SV2C: variants seen among roughly 807,000 people sequenced by gnomAD.
The protein encoded by SV2C is solute carrier family 22 member B3.
Under a neutral mutation model 79.7 loss-of-function variants are expected in SV2C, and 49 were observed. The observed-to-expected ratio is 0.61, with a 90% confidence interval of 0.49 to 0.78. The LOEUF is 0.78. Ranked by LOEUF, SV2C falls within the 30% of genes least tolerant of loss-of-function variation. The pLI, the probability that SV2C is intolerant of heterozygous loss-of-function variation, is 0.00. For synonymous variants in SV2C, 334 were observed against 333.2 expected (o/e 1.00, Z -0.03); for missense variants, 833 against 912.9 (o/e 0.91, Z 1.13).
intron 12 of SV2C, among the ~76,000 whole-genome samples, chr5:76,318,179 G>C (rs1003892391): frequency 7.2e-5 from 11 of 152,200 alleles, no homozygotes; most frequent in African/African-American, 2.7e-4. Context: ...CAGCACTTTG[G>C]GAGGCCGAGG....
intron 12 of SV2C, among the ~76,000 whole-genome samples, chr5:76,340,088 T>C (rs747852633): frequency 9.2e-5 from 14 of 152,172 alleles, no homozygotes; most frequent in Non-Finnish European, 1.9e-4. Flanking sequence ...CTAATCATAA[T>C]TCATTAGCAT....
chr5:76,268,442 T>C (rs1746734864), intron 4 of SV2C, among the ~76,000 whole-genome samples: 1 of 152,166 alleles, frequency 6.6e-6, no homozygotes, highest in Non-Finnish European at 1.5e-5. Context: ...CTGCAGGTCT[T>C]GTGGAACCCA....
chr5:76,023,624 C>G, the SV2C span, among the ~76,000 whole-genome samples: 1 of 148,000 alleles, frequency 6.8e-6, no homozygotes, highest in Non-Finnish European at 1.5e-5. Flanking sequence ...CATACTTTTC[C>G]TCCATCCCTA....
intron 1 of SV2C, among the ~76,000 whole-genome samples, chr5:76,130,180 A>AAAAAAAAAAT (rs1748839619): frequency 1.0e-5 from 1 of 99,610 alleles, no homozygotes; most frequent in Non-Finnish European, 2.0e-5. Context: ...AAAAAAAAAA[A>AAAAAAAAAAT]GAGCTGGGGG....
the SV2C span, among the ~76,000 whole-genome samples, chr5:75,903,216 G>A: frequency 1.3e-5 from 2 of 151,962 alleles, no homozygotes; most frequent in Admixed American, 1.3e-4. Context: ...AGAATGTCAG[G>A]GCTCAAAGTA....
chr5:76,315,574 C>G (rs1256401710), intron 12 of SV2C, among the ~76,000 whole-genome samples: 1 of 152,114 alleles, frequency 6.6e-6, no homozygotes, highest in African/African-American at 2.4e-5. Flanking sequence ...AAGGCTAATT[C>G]TGGACAAGGA....
At chr5:76,209,412 T>A (rs528389900) in intron 3 of SV2C, among the ~76,000 whole-genome samples, 1 of 152,312 alleles carries the variant, frequency 6.6e-6, no homozygotes, top group East Asian at 1.9e-4. Context: ...TAAGTTTTGA[T>A]AAATATCACA....
At chr5:76,210,514 A>C (rs1744738152) in intron 4 of SV2C, among the ~76,000 whole-genome samples, 1 of 152,238 alleles carries the variant, frequency 6.6e-6, no homozygotes, top group Admixed American at 6.5e-5. Context: ...GTATGTGGGA[A>C]GAGGTGAGGG....
intron 4 of SV2C, among the ~76,000 whole-genome samples, chr5:76,228,441 C>A (rs892162575): frequency 6.6e-6 from 1 of 152,176 alleles, no homozygotes; most frequent in Non-Finnish European, 1.5e-5. Flanking sequence ...TCACAGGTAG[C>A]GGGGCAAGCT....
chr5:75,902,369 C>A, the SV2C span, among the ~76,000 whole-genome samples: 1 of 152,166 alleles, frequency 6.6e-6, no homozygotes. Context: ...GGCTACTGTG[C>A]CTTCACAGAA....
At chr5:76,223,074 C>A (rs1212320793) in intron 4 of SV2C, among the ~76,000 whole-genome samples, 2 of 152,082 alleles carry the variant, frequency 1.3e-5, no homozygotes, top group African/African-American at 4.8e-5. Context: ...TGCCAGCTAC[C>A]CCTTGTCTGT....
At chr5:75,915,991 G>C in the SV2C span, among the ~76,000 whole-genome samples, 1 of 152,118 alleles carries the variant, frequency 6.6e-6, no homozygotes, top group East Asian at 1.9e-4. Flanking sequence ...AGGTAGTATA[G>C]AGCTAGCTCA....
At chr5:76,291,401 T>G in intron 7 of SV2C, 70 bp downstream of exon 7, 1 of 1,270,272 alleles carries the variant, frequency 7.9e-7, no homozygotes, top group Non-Finnish European at 1.1e-6. Flanking sequence ...AAGAGGGGTT[T>G]ACTGGGCCTG....
intron 1 of SV2C, among the ~76,000 whole-genome samples, chr5:76,098,875 ACAT>A (rs1427698270): frequency 1.3e-5 from 2 of 152,202 alleles, no homozygotes; most frequent in African/African-American, 4.8e-5. Flanking sequence ...TTACGGGCTG[ACAT>A]CAGCAAAACC....
At chr5:76,018,710 A>G in the SV2C span, among the ~76,000 whole-genome samples, 2 of 152,226 alleles carry the variant, frequency 1.3e-5, no homozygotes, top group African/African-American at 4.8e-5. Flanking sequence ...GGAAAAGGCC[A>G]GAAGGAAGAG....
intron 2 of SV2C, among the ~76,000 whole-genome samples, chr5:76,164,854 A>G (rs1363200065): frequency 6.6e-6 from 1 of 152,018 alleles, no homozygotes; most frequent in African/African-American, 2.4e-5. Flanking sequence ...CAAGTCCCTT[A>G]TATAAAATAG....
chr5:76,348,955 T>C (rs1442880574), intron 12 of SV2C, among the ~76,000 whole-genome samples: 3 of 151,978 alleles, frequency 2.0e-5, no homozygotes, highest in Admixed American at 6.6e-5. Flanking sequence ...GCCGAGACCA[T>C]ACCACTGCAC....
the SV2C span, among the ~76,000 whole-genome samples, chr5:76,028,190 C>T: frequency 1.3e-5 from 2 of 152,100 alleles, no homozygotes; most frequent in Non-Finnish European, 2.9e-5. Flanking sequence ...ACCATAGGGC[C>T]CCCCATATTT....
intron 2 of SV2C, among the ~76,000 whole-genome samples, chr5:76,191,950 G>A (rs1744117150): frequency 6.6e-6 from 1 of 152,166 alleles, no homozygotes; most frequent in Non-Finnish European, 1.5e-5. Context: ...TCAGCTTCTA[G>A]TTCTGTGGAA....
Sources: gnomAD v4.1 joint callset for allele counts (sites outside exome capture counted in the v4.1 genomes callset) on GRCh38, gnomAD v4.1.1 for gene constraint, MANE v1.5 for transcripts, NCBI Gene and HGNC (gene_info 2026-07-23, HGNC 2026-07-21) for gene names.